Variants in PDE6D observed in about 807,000 individuals in gnomAD.
The protein encoded by PDE6D is retinal rod rhodopsin-sensitive cGMP 3',5'-cyclic phosphodiesterase subunit delta.
In PDE6D, 10 loss-of-function variants were observed where a neutral mutation model predicts 21.9. The ratio of observed to expected loss-of-function variants is 0.46; its 90% CI spans 0.28 to 0.78. PDE6D has a LOEUF of 0.78. Ranked by LOEUF, PDE6D falls within the 30% of genes least tolerant of loss-of-function variation. The pLI is 0.12. For missense variants in PDE6D, 139 were observed against 184.8 expected (o/e 0.75, Z 1.44); for synonymous variants, 59 against 63.5 (o/e 0.93, Z 0.34).
Position 231,752,708 on chromosome 2 carries a change from T to C in PDE6D, c.51-13520A>G, listed in dbSNP as rs1396893877. 2.6e-5 allele frequency among the ~76,000 whole-genome samples: 4 copies of C among 152,056 alleles called. No homozygotes were observed. The East Asian group carries it at 5.8e-4, about 22-fold the overall frequency. On this transcript the variant is annotated intron_variant, in intron 1 of 4. Transcript: ENST00000287600. ...TGTGCTGCTCATATATTAATCTTCA[T>C]CTCTTTGCTCATCCTCTTTTGTTTT...
chr2:231,752,805 G>A (rs2048851308), intron 1 of PDE6D, among the ~76,000 whole-genome samples: 1 of 148,462 alleles, frequency 6.7e-6, no homozygotes, highest in African/African-American at 2.5e-5. Context: ...TATATACAGA[G>A]CAGAAATTAT....
chr2:231,749,039 C>T (rs1046272442), intron 1 of PDE6D, among the ~76,000 whole-genome samples: 2 of 152,198 alleles, frequency 1.3e-5, no homozygotes, highest in Non-Finnish European at 2.9e-5. Context: ...CACACAGAGT[C>T]CCTACTGGGG....
At chr2:231,756,304 T>A (rs145769430) in intron 1 of PDE6D, among the ~76,000 whole-genome samples, 1 of 152,336 alleles carries the variant, frequency 6.6e-6, no homozygotes, top group African/African-American at 2.4e-5. Context: ...GGCCATCATA[T>A]ACCATTGAAG....
At chr2:231,759,442 C>T (rs954515485) in intron 1 of PDE6D, among the ~76,000 whole-genome samples, 1 of 151,904 alleles carries the variant, frequency 6.6e-6, no homozygotes, top group Non-Finnish European at 1.5e-5. Context: ...GCCATTGGAG[C>T]TTATTATTCG....
intron 1 of PDE6D, among the ~76,000 whole-genome samples, chr2:231,750,481 C>CATTTTTTTTTTT (rs1553557786): frequency 7.5e-6 from 1 of 133,562 alleles, no homozygotes; most frequent in Non-Finnish European, 1.6e-5. Context: ...ATCCATATCA[C>CATTTTTTTTTTT]TTTTTTTTTT....
At chr2:231,767,035 T>C (rs576451752) in intron 1 of PDE6D, among the ~76,000 whole-genome samples, 1 of 147,068 alleles carries the variant, frequency 6.8e-6, no homozygotes, top group South Asian at 2.2e-4. Context: ...TCAAAGATGA[T>C]TCTGGTTTTT....
chr2:231,748,561 A>T (rs2048812150), intron 1 of PDE6D, among the ~76,000 whole-genome samples: 1 of 152,260 alleles, frequency 6.6e-6, no homozygotes, highest in Non-Finnish European at 1.5e-5. Flanking sequence ...GGAGAAATTC[A>T]AGCCAGCTGC....
chr2:231,738,214 G>T, intron 2 of PDE6D, 76 bp from the exon 3 acceptor site: 2 of 1,333,674 alleles, frequency 1.5e-6, no homozygotes, highest in Non-Finnish European at 2.1e-6. Flanking sequence ...ATTTCTGGGA[G>T]CTTCTTACAG....
chr2:231,766,058 T>C (rs1380599872), intron 1 of PDE6D, among the ~76,000 whole-genome samples: 1 of 152,230 alleles, frequency 6.6e-6, no homozygotes, highest in Non-Finnish European at 1.5e-5. Flanking sequence ...CACCCAATAA[T>C]TTCCCAGTGA....
intron 1 of PDE6D, among the ~76,000 whole-genome samples, chr2:231,752,263 G>A (rs2048845513): frequency 6.6e-6 from 1 of 152,212 alleles, no homozygotes; most frequent in South Asian, 2.1e-4. Flanking sequence ...AGTTGGTTTA[G>A]AGCAGAACAC....
chr2:231,741,113 C>CAAAAAAAAA (rs56947117), intron 1 of PDE6D, among the ~76,000 whole-genome samples: 2 of 54,860 alleles, frequency 3.6e-5, no homozygotes, highest in Non-Finnish European at 6.4e-5. Context: ...AACCCTGTCT[C>CAAAAAAAAA]AAAAAAAAAA....
chr2:231,738,546 T>C (rs1338265058), intron 2 of PDE6D, among the ~76,000 whole-genome samples: 1 of 152,190 alleles, frequency 6.6e-6, no homozygotes, highest in African/African-American at 2.4e-5. Flanking sequence ...GAGATCTTAG[T>C]TTCTATCTTT....
In PDE6D at chr2:231,739,790, C is replaced by G. The variant is rs1476745673; in HGVS notation, c.51-602G>C. ...GGAATTATAGGAGCACGTCACCAAG[C>G]CCAGCTTATTTTTGTATTTTTAATA... On this transcript the variant is annotated intron_variant, in intron 1 of 4. Coordinates refer to ENST00000287600, the MANE Select transcript of PDE6D (RefSeq NM_002601.4). This position sits in a 1 kb window ranked among gnomAD's most constrained non-coding sequence, Gnocchi z 4.2. Among the ~76,000 whole-genome samples the G allele has an allele frequency of 6.6e-6, 1 of 152,076 alleles. No individual in the cohort carries two copies. Among genetic ancestry groups the G allele is most frequent in the East Asian group, 1.9e-4 (1 of 5,192 alleles).
intron 4 of PDE6D, among the ~76,000 whole-genome samples, chr2:231,735,681 G>A (rs2048693745): frequency 6.6e-6 from 1 of 151,618 alleles, no homozygotes; most frequent in Non-Finnish European, 1.5e-5. Flanking sequence ...AAGTAGCTAG[G>A]ATTATAGGAA....
intron 1 of PDE6D, among the ~76,000 whole-genome samples, chr2:231,741,946 A>G (rs1375744710): frequency 1.3e-5 from 2 of 152,224 alleles, no homozygotes; most frequent in East Asian, 3.8e-4. Flanking sequence ...CCGTAGTGGA[A>G]AGTGGATAAA....
intron 4 of PDE6D, among the ~76,000 whole-genome samples, chr2:231,734,466 C>A (rs555486825): frequency 4.2e-4 from 62 of 147,916 alleles, no homozygotes; most frequent in South Asian, 1.3e-3. Flanking sequence ...AAAAAAAAAA[C>A]CCCTGCTTTC....
chr2:231,753,702 C>A (rs1045550970), intron 1 of PDE6D, among the ~76,000 whole-genome samples: 6 of 152,012 alleles, frequency 3.9e-5, no homozygotes, highest in Admixed American at 1.3e-4. Context: ...ATGTAAAAAA[C>A]CCCTCTAGTC....
intron 1 of PDE6D, among the ~76,000 whole-genome samples, chr2:231,753,242 G>A (rs1270975154): frequency 6.6e-6 from 1 of 151,238 alleles, no homozygotes; most frequent in Non-Finnish European, 1.5e-5. Flanking sequence ...ATGCTGTTTC[G>A]GCCGGGAGCG....
At chr2:231,733,786 T>C (rs181224551) in intron 4 of PDE6D, among the ~76,000 whole-genome samples, 1 of 152,142 alleles carries the variant, frequency 6.6e-6, no homozygotes, top group African/African-American at 2.4e-5. Context: ...TGCACCTGTA[T>C]TGTGAGGTGT....
Sources: allele counts gnomAD v4.1 joint callset (sites outside exome capture counted in the v4.1 genomes callset), GRCh38; gene constraint gnomAD v4.1.1; non-coding constraint Gnocchi (gnomAD v3.1); transcripts MANE v1.5; gene names NCBI Gene and HGNC (gene_info 2026-07-23, HGNC 2026-07-21).